The following CTTNBP2NL variants were observed in gnomAD, a reference collection of about 807,000 sequenced individuals.
CTTNBP2NL encodes the protein CTTNBP2 N-terminal like, also known as CTTNBP2 N-terminal-like protein.
CTTNBP2NL carries 16 observed loss-of-function variants against 32.5 expected under a neutral mutation model. That is an observed-to-expected ratio of 0.49 (90% CI 0.33 to 0.75). The LOEUF (loss-of-function observed/expected upper bound fraction) is 0.75. Among genes scored for constraint, CTTNBP2NL ranks in the 30% least tolerant of loss-of-function variants. The probability of loss-of-function intolerance (pLI) is 0.02; values close to 1 mark genes in which losing one functional copy is unlikely to be tolerated. For missense variants in CTTNBP2NL, 645 were observed against 756.0 expected, an observed-to-expected ratio of 0.85 and a Z score of 1.72; for synonymous variants, 298 against 289.4, an observed-to-expected ratio of 1.03 and a Z score of -0.30.
chr1:112,428,524 A>G (rs564462582), intron 3 of CTTNBP2NL, among the ~76,000 whole-genome samples: 128 of 152,302 alleles, frequency 8.4e-4, no homozygotes, highest in African/African-American at 2.8e-3. Flanking sequence ...CAGACTATCC[A>G]GTAAAAAGAT....
At chr1:112,418,904 G>T (rs140676769) in intron 3 of CTTNBP2NL, among the ~76,000 whole-genome samples, 1 of 152,240 alleles carries the variant, frequency 6.6e-6, no homozygotes, top group East Asian at 1.9e-4. Context: ...TCCACATCGG[G>T]TATATTACAT....
chr1:112,425,879 G>T lies in CTTNBP2NL; in HGVS notation c.99+9615G>T, dbSNP rs142941759. Reference sequence around the variant, plus strand: ...CCCTGGCTCAATCAATCAGTCAGTCGTTTCCATTGGATTTTCTACAGACAA... The same window carrying T: ...CCCTGGCTCAATCAATCAGTCAGTCTTTTCCATTGGATTTTCTACAGACAA... On this transcript the variant is annotated intron_variant, in intron 3 of 5. Coordinates refer to ENST00000271277, the MANE Select transcript of CTTNBP2NL (RefSeq NM_018704.3). 3.4e-3 allele frequency among the ~76,000 whole-genome samples: 515 copies of T among 151,420 alleles called. 1 individual carries two copies. The highest frequency in any genetic ancestry group is 0.012 in the African/African-American group (485 of 41,226).
rs1650386695 is a variant in CTTNBP2NL, at chr1:112,456,962, C to T, written c.1470C>T (p.Thr490=). The change falls in exon 6 of 6, where the codon ACC becomes ACT. Residue 490 remains threonine (T), a synonymous_variant. Coordinates refer to ENST00000271277, the MANE Select transcript of CTTNBP2NL (RefSeq NM_018704.3). Reference sequence around the variant, plus strand: ...CTCCATCCAGGGATTTATCCCCCACCCTCATAGACAACTCTGCCGCCAAGC... The same window carrying T: ...CTCCATCCAGGGATTTATCCCCCACTCTCATAGACAACTCTGCCGCCAAGC... ...QSPPSRDLSP[T]LIDNSAAKQL... 6.2e-7 allele frequency: 1 copy of T among 1,614,130 alleles called. No individual in the cohort carries two copies. Among genetic ancestry groups the T allele is most frequent in the East Asian group, 2.2e-5 (1 of 44,868 alleles).
chr1:112,438,818 C>G (rs550739484), intron 3 of CTTNBP2NL, among the ~76,000 whole-genome samples: 20 of 152,292 alleles, frequency 1.3e-4, no homozygotes, highest in Non-Finnish European at 2.8e-4. Flanking sequence ...TGCCTTACTG[C>G]AGTGATGACC....
At chr1:112,447,649 T>TAA (rs143454169) in intron 3 of CTTNBP2NL, among the ~76,000 whole-genome samples, 8 of 150,016 alleles carry the variant, frequency 5.3e-5, no homozygotes, top group Non-Finnish European at 8.9e-5. Flanking sequence ...ACTTCTGTGT[T>TAA]AAAAAAAAAA....
At chr1:112,452,591 GC>G (rs1158220205) in intron 4 of CTTNBP2NL, among the ~76,000 whole-genome samples, 3 of 148,256 alleles carry the variant, frequency 2.0e-5, no homozygotes, top group Non-Finnish European at 4.4e-5. Context: ...TGATCCACCT[GC>G]TTTGGCCTCC....
In CTTNBP2NL at chr1:112,454,441, C is replaced by G; in HGVS notation, c.331-8C>G. 6.2e-7 allele frequency: 1 copy of G among 1,603,908 alleles called. No individual in the cohort carries two copies. On this transcript the variant is annotated splice_region_variant and splice_polypyrimidine_tract_variant and intron_variant, in intron 4 of 5. Transcript: ENST00000271277. Reference sequence around the variant, plus strand: ...ATTTGAAAATGAAATTTAAAAAATTCTTTAAAGGTGATCCTAGACCTTGAG... The same window carrying G: ...ATTTGAAAATGAAATTTAAAAAATTGTTTAAAGGTGATCCTAGACCTTGAG...
At chr1:112,400,746 C>T (rs1252324730) in intron 1 of CTTNBP2NL, among the ~76,000 whole-genome samples, 2 of 151,872 alleles carry the variant, frequency 1.3e-5, no homozygotes, top group East Asian at 3.9e-4. Flanking sequence ...GAGCCAAGAT[C>T]GTGCCATTGC....
At position 112,456,589 on chromosome 1, in the gene CTTNBP2NL, A is replaced by C. The variant is rs776519334; in HGVS notation, c.1097A>C (p.Asn366Thr). 1.2e-6 allele frequency: 2 copies of C among 1,614,182 alleles called. No homozygotes were observed. Among genetic ancestry groups the C allele is most frequent in the South Asian group, 2.2e-5 (2 of 91,088 alleles). ...ACTACCAGGGAGCTGACTGCAGGCAACAATGTAGAAAACCAGGTGCCTCCA... is the reference window on the plus strand; with the variant it reads ...ACTACCAGGGAGCTGACTGCAGGCACCAATGTAGAAAACCAGGTGCCTCCA... ...IQTTRELTAG[N>T]NVENQVPPRE... The change falls in exon 6 of 6, where the codon AAC becomes ACC. Residue 366 changes from asparagine to threonine, a missense_variant. Coordinates refer to ENST00000271277, the MANE Select transcript of CTTNBP2NL (RefSeq NM_018704.3).
At chr1:112,445,486 T>G in intron 3 of CTTNBP2NL, among the ~76,000 whole-genome samples, 1 of 152,194 alleles carries the variant, frequency 6.6e-6, no homozygotes, top group East Asian at 1.9e-4. Context: ...TCTCCCATGT[T>G]CCAGTCCAGT....
chr1:112,394,097 TCGGAA>T (rs1378398323), upstream of CTTNBP2NL, among the ~76,000 whole-genome samples: 1 of 151,062 alleles, frequency 6.6e-6, no homozygotes, highest in African/African-American at 2.4e-5. Flanking sequence ...TCCCAGCTAC[TCGGAA>T]AGCTGAGGCA....
chr1:112,411,247 C>G (rs1251600566), intron 1 of CTTNBP2NL, among the ~76,000 whole-genome samples: 1 of 152,148 alleles, frequency 6.6e-6, no homozygotes, highest in African/African-American at 2.4e-5. Context: ...GACACTGTCC[C>G]CATTTGACTG....
At chr1:112,455,779 C>T (rs975350169) in intron 5 of CTTNBP2NL, 152 bp from the exon 6 acceptor site, 4 of 601,514 alleles carry the variant, frequency 6.6e-6, no homozygotes, top group Non-Finnish European at 1.2e-5. Flanking sequence ...ATAGTGTGTG[C>T]ATTTTTTGTG....
chr1:112,396,702 A>T (rs549323884), intron 1 of CTTNBP2NL: 28 of 152,270 alleles, frequency 1.8e-4, no homozygotes, highest in African/African-American at 6.5e-4. Flanking sequence ...TTTCCTCCGT[A>T]AGATAAAATT....
upstream of CTTNBP2NL, among the ~76,000 whole-genome samples, chr1:112,395,732 GAA>G (rs5777109): frequency 1.4e-5 from 2 of 145,704 alleles, no homozygotes; most frequent in African/African-American, 2.4e-5. Context: ...CCAGAAAAAA[GAA>G]AAAAAAAAAG....
intron 1 of CTTNBP2NL, among the ~76,000 whole-genome samples, chr1:112,410,478 TTTATC>T (rs886228080): frequency 6.6e-6 from 1 of 152,140 alleles, no homozygotes; most frequent in African/African-American, 2.4e-5. Flanking sequence ...AATAAATATC[TTTATC>T]TTTTTTATTG....
chr1:112,434,674 C>G (rs560354996), intron 3 of CTTNBP2NL, among the ~76,000 whole-genome samples: 1 of 152,272 alleles, frequency 6.6e-6, no homozygotes, highest in South Asian at 2.1e-4. Flanking sequence ...ACATTCAAGA[C>G]ATTTACAGAC....
Position 112,445,782 on chromosome 1 carries a change from G to A in CTTNBP2NL, c.100-3160G>A, listed in dbSNP as rs373237523. Among the ~76,000 whole-genome samples, 22 of 152,170 alleles carry A rather than the reference G, an allele frequency of 1.4e-4. 1 individual carries two copies. The highest frequency in any genetic ancestry group is 7.9e-4 in the Admixed American group (12 of 15,282). ...TTTGTCTATTACTCATAACTCTGTG[G>A]TGCTTATTAATTATACAGGGTAATC... On this transcript the variant is annotated intron_variant, in intron 3 of 5. Coordinates refer to ENST00000271277, the MANE Select transcript of CTTNBP2NL (RefSeq NM_018704.3).
intron 3 of CTTNBP2NL, among the ~76,000 whole-genome samples, chr1:112,425,983 G>GTT (rs1649382647): frequency 7.9e-6 from 1 of 126,446 alleles, no homozygotes; most frequent in African/African-American, 2.6e-5. Context: ...GTGTGTGTGT[G>GTT]TGTGTGTGTG....
Sources: gnomAD v4.1 joint callset for allele counts (sites outside exome capture counted in the v4.1 genomes callset) on GRCh38, gnomAD v4.1.1 for gene constraint, MANE v1.5 for transcripts, NCBI Gene and HGNC (gene_info 2026-07-23, HGNC 2026-07-21) for gene names.